The following SDC2 variants were observed in gnomAD, a reference collection of about 807,000 sequenced individuals.
SDC2 encodes the protein syndecan-2.
A neutral mutation model predicts 22.2 loss-of-function variants in SDC2; 13 were observed. The ratio of observed to expected loss-of-function variants is 0.59; its 90% CI spans 0.38 to 0.93. SDC2 has a LOEUF of 0.93. SDC2 is among the 40% of genes least tolerant of loss of function. The probability of loss-of-function intolerance (pLI) is 0.00; values close to 1 mark genes in which losing one functional copy is unlikely to be tolerated. For missense variants in SDC2, 235 were observed against 246.8 expected (o/e 0.95, Z 0.32); for synonymous variants, 94 against 92.8 (o/e 1.01, Z -0.07).
At chr8:96,600,088 G>A (rs1300609959) in intron 2 of SDC2, among the ~76,000 whole-genome samples, 1 of 152,196 alleles carries the variant, frequency 6.6e-6, no homozygotes, top group East Asian at 1.9e-4. Flanking sequence ...GAGCCCGCAA[G>A]TTTGAAGCTA....
rs1394711660 is a variant in SDC2, at chr8:96,494,264, TGG to T, written c.-5_-4del. ...GCAGCGGCTGGGAGCAGCCGGTCCC[TGG>T]GGAATATGCGGCGCGCGTGGATCCT... On this transcript the variant is annotated 5_prime_UTR_variant, in exon 1 of 5. Coordinates refer to ENST00000302190, the MANE Select transcript of SDC2 (RefSeq NM_002998.4). 1.3e-6 allele frequency: 2 copies of T among 1,544,582 alleles called. No homozygotes were observed. The highest frequency in any genetic ancestry group is 3.9e-5 in the Admixed American group (2 of 51,372).
chr8:96,522,753 T>A (rs1813516137), intron 1 of SDC2, among the ~76,000 whole-genome samples: 1 of 152,232 alleles, frequency 6.6e-6, no homozygotes, highest in Admixed American at 6.5e-5. Context: ...TTAAGTTATA[T>A]AATTGGATTT....
intron 1 of SDC2, among the ~76,000 whole-genome samples, chr8:96,518,728 G>T (rs1435126444): frequency 6.6e-6 from 1 of 152,142 alleles, no homozygotes; most frequent in African/African-American, 2.4e-5. Context: ...TTATTCTTGG[G>T]TCCGTGGGAA....
chr8:96,496,802 C>G (rs1361297570), intron 1 of SDC2, among the ~76,000 whole-genome samples: 3 of 152,144 alleles, frequency 2.0e-5, no homozygotes, highest in Non-Finnish European at 2.9e-5. Context: ...GGAACTAAGG[C>G]TCAAAACTGC....
intron 2 of SDC2, among the ~76,000 whole-genome samples, chr8:96,601,721 T>C (rs926108812): frequency 7.3e-5 from 11 of 151,374 alleles, no homozygotes; most frequent in Admixed American, 5.9e-4. Flanking sequence ...GAGTCAGCCA[T>C]AGGAGAGTTT....
At chr8:96,595,090 G>A (rs549892430) in intron 2 of SDC2, among the ~76,000 whole-genome samples, 1 of 152,228 alleles carries the variant, frequency 6.6e-6, no homozygotes, top group East Asian at 1.9e-4. Flanking sequence ...TTAATTAATA[G>A]TCAAGTGAGA....
chr8:96,581,070 A>G (rs1391532274), intron 1 of SDC2, among the ~76,000 whole-genome samples: 1 of 152,178 alleles, frequency 6.6e-6, no homozygotes, highest in Non-Finnish European at 1.5e-5. Context: ...TTCGTCTTCC[A>G]TATTTTTAGA....
At chr8:96,572,470 CAG>C (rs1814412279) in intron 1 of SDC2, among the ~76,000 whole-genome samples, 1 of 152,118 alleles carries the variant, frequency 6.6e-6, no homozygotes, top group Non-Finnish European at 1.5e-5. Flanking sequence ...TGGTATGAAG[CAG>C]AGAGGTGCCT....
intron 3 of SDC2, among the ~76,000 whole-genome samples, chr8:96,606,993 C>T (rs192829391): frequency 6.6e-6 from 1 of 152,208 alleles, no homozygotes; most frequent in Non-Finnish European, 1.5e-5. Context: ...ACCTGAGCTC[C>T]GCCTCCTGTC....
chr8:96,495,443 G>C (rs1051846850), intron 1 of SDC2, among the ~76,000 whole-genome samples: 1 of 152,224 alleles, frequency 6.6e-6, no homozygotes, highest in South Asian at 2.1e-4. Context: ...CTGGGCGCCA[G>C]GAGCTCTGTC....
chr8:96,590,886 A>G (rs1477553433), intron 1 of SDC2, among the ~76,000 whole-genome samples: 1 of 152,112 alleles, frequency 6.6e-6, no homozygotes, highest in Non-Finnish European at 1.5e-5. Context: ...CCCAGAGACC[A>G]CCCGGGAGCC....
chr8:96,565,509 T>G (rs10089092), intron 1 of SDC2, among the ~76,000 whole-genome samples: 2,314 of 152,258 alleles, frequency 0.015, 60 homozygotes, highest in African/African-American at 0.053. Flanking sequence ...AATAGGGTTT[T>G]GGATAGAATA....
chr8:96,499,671 A>G (rs1269678432), intron 1 of SDC2, among the ~76,000 whole-genome samples: 2 of 152,076 alleles, frequency 1.3e-5, no homozygotes, highest in Non-Finnish European at 2.9e-5. Context: ...TTATAACATG[A>G]CTGTTGTGAA....
chr8:96,536,101 G>C (rs1400337415), intron 1 of SDC2, among the ~76,000 whole-genome samples: 1 of 151,934 alleles, frequency 6.6e-6, no homozygotes, highest in East Asian at 1.9e-4. Flanking sequence ...TTAATTTATG[G>C]GTGAGAAATT....
chr8:96,580,249 G>C (rs928740574), intron 1 of SDC2: 8 of 287,514 alleles, frequency 2.8e-5, no homozygotes, highest in Non-Finnish European at 3.6e-5. Flanking sequence ...CAATCATTCA[G>C]CCGCATTCTT....
At chr8:96,594,243 A>G (rs911722617) in intron 2 of SDC2, among the ~76,000 whole-genome samples, 20 of 152,266 alleles carry the variant, frequency 1.3e-4, no homozygotes, top group African/African-American at 3.6e-4. Flanking sequence ...ATTATTCTGT[A>G]GGTTGGTGAT....
chr8:96,557,355 G>T (rs1814132614), intron 1 of SDC2, among the ~76,000 whole-genome samples: 2 of 130,882 alleles, frequency 1.5e-5, no homozygotes, highest in Non-Finnish European at 3.4e-5. Context: ...ATTCACAATA[G>T]CAAAGACTTG....
intron 1 of SDC2, among the ~76,000 whole-genome samples, chr8:96,528,411 T>C (rs776587634): frequency 6.1e-4 from 93 of 152,158 alleles, no homozygotes; most frequent in Admixed American, 3.3e-3. Context: ...CACACGGTAT[T>C]CATTGTCCTC....
chr8:96,563,083 C>T (rs1217557301), intron 1 of SDC2, among the ~76,000 whole-genome samples: 4 of 152,196 alleles, frequency 2.6e-5, no homozygotes, highest in South Asian at 2.1e-4. Context: ...TCCCTTGACA[C>T]ACGCTGTCCG....
Sources: allele counts gnomAD v4.1 joint callset (sites outside exome capture counted in the v4.1 genomes callset), GRCh38; gene constraint gnomAD v4.1.1; transcripts MANE v1.5; gene names NCBI Gene and HGNC (gene_info 2026-07-23, HGNC 2026-07-21).